USH2A: variants seen among roughly 807,000 people sequenced by gnomAD.
USH2A encodes Usher syndrome 2A (autosomal recessive, mild).
In USH2A, 443 loss-of-function variants were observed where a neutral mutation model predicts 538.9. The ratio of observed to expected loss-of-function variants is 0.82; its 90% confidence interval spans 0.76 to 0.89. The LOEUF (loss-of-function observed/expected upper bound fraction) is 0.89. Ranked by LOEUF, USH2A falls within the 40% of genes least tolerant of loss-of-function variation. The pLI is 0.00. For synonymous variants in USH2A, 2,413 were observed against 2,273.5 expected, an observed-to-expected ratio of 1.06 and a Z score of -1.75; for missense variants, 6,633 against 6,324.8, an observed-to-expected ratio of 1.05 and a Z score of -1.65.
At chr1:216,296,991 A>C (rs1456804223) in intron 9 of USH2A, among the ~76,000 whole-genome samples, 3 of 151,858 alleles carry the variant, frequency 2.0e-5, no homozygotes, top group Non-Finnish European at 4.4e-5. Context: ...TCATTTGATG[A>C]GTATACTCTC....
At chr1:215,853,928 G>C (rs905360390) in intron 44 of USH2A, among the ~76,000 whole-genome samples, 2 of 152,142 alleles carry the variant, frequency 1.3e-5, no homozygotes, top group African/African-American at 4.8e-5. Context: ...ACATTTTCCT[G>C]TCTTCTTCTG....
chr1:215,994,181 C>A (rs1432278087), intron 34 of USH2A, among the ~76,000 whole-genome samples: 1 of 151,988 alleles, frequency 6.6e-6, no homozygotes, highest in Non-Finnish European at 1.5e-5. Context: ...GAAAATAAAG[C>A]AAAATCATAA....
At chr1:215,911,303 T>A (rs536581389) in intron 38 of USH2A, among the ~76,000 whole-genome samples, 35 of 152,022 alleles carry the variant, frequency 2.3e-4, no homozygotes, top group Non-Finnish European at 4.7e-4. Flanking sequence ...GTCTTATGCA[T>A]TCATTCTATT....
At chr1:216,108,117 G>T (rs2032782310) in intron 21 of USH2A, among the ~76,000 whole-genome samples, 1 of 151,096 alleles carries the variant, frequency 6.6e-6, no homozygotes, top group Non-Finnish European at 1.5e-5. Context: ...AGTTATTATT[G>T]GTATTTTTAG....
At position 216,025,021 on chromosome 1, in the gene USH2A, G is replaced by T. The variant is rs528847335; in HGVS notation, c.6325+21410C>A. Reference sequence around the variant, plus strand: ...AGAACTAATTTAGGTAAATACTAAAGTTTCACTGATTAGTAACAAATTTCA... The same window carrying T: ...AGAACTAATTTAGGTAAATACTAAATTTTCACTGATTAGTAACAAATTTCA... On this transcript the variant is annotated intron_variant, in intron 32 of 71. Transcript: ENST00000307340. Among the ~76,000 whole-genome samples, 36 of 151,992 alleles carry T rather than the reference G, an allele frequency of 2.4e-4. 1 individual carries two copies. In the South Asian group the frequency reaches 7.5e-3, roughly 32 times the overall value.
intron 11 of USH2A, among the ~76,000 whole-genome samples, chr1:216,259,416 TAGA>T (rs2036322844): frequency 6.6e-6 from 1 of 152,104 alleles, no homozygotes; most frequent in African/African-American, 2.4e-5. Flanking sequence ...AGGTTACCAC[TAGA>T]AGATGTTGCT....
intron 14 of USH2A, among the ~76,000 whole-genome samples, chr1:216,226,533 C>A (rs1004386336): frequency 3.9e-5 from 6 of 152,126 alleles, no homozygotes; most frequent in Non-Finnish European, 8.8e-5. Context: ...CTAGAACCAC[C>A]CAAAGCAGTC....
intron 11 of USH2A, among the ~76,000 whole-genome samples, chr1:216,255,865 T>G (rs569393529): frequency 5.9e-4 from 90 of 152,186 alleles, no homozygotes; most frequent in Admixed American, 9.8e-4. Flanking sequence ...ACTTTCTCCT[T>G]CAGTTACGTT....
intron 1 of USH2A, among the ~76,000 whole-genome samples, chr1:216,422,749 C>G (rs990567779): frequency 6.6e-6 from 1 of 151,866 alleles, no homozygotes; most frequent in Non-Finnish European, 1.5e-5. Context: ...TATAAGTCCA[C>G]AGGACAACCA....
chr1:216,355,375 G>GAAAGAA (rs748251919), intron 4 of USH2A, among the ~76,000 whole-genome samples: 2 of 133,850 alleles, frequency 1.5e-5, no homozygotes, highest in African/African-American at 2.7e-5. Context: ...AAGAAAGAAA[G>GAAAGAA]AAGGAAAGAA....
At chr1:215,798,519 T>C (rs1242842422) in intron 50 of USH2A, among the ~76,000 whole-genome samples, 1 of 152,170 alleles carries the variant, frequency 6.6e-6, no homozygotes, top group African/African-American at 2.4e-5. Flanking sequence ...ATGATACTTA[T>C]TGTTATTTAT....
chr1:215,900,717 T>G (rs1214482751), intron 39 of USH2A, 38 bp downstream of exon 39: 3 of 1,613,070 alleles, frequency 1.9e-6, no homozygotes, highest in Non-Finnish European at 2.5e-6. Flanking sequence ...CTATATTGTA[T>G]AACCCAGCTG....
Position 216,097,089 on chromosome 1 carries a change from A to T in USH2A, c.4752T>A (p.Asp1584Glu), listed in dbSNP as rs1411201130. Residue 1584 changes from aspartate to glutamate, a missense_variant, in exon 22 of 72, where the codon GAT (aspartate) becomes GAA (glutamate). Transcript: ENST00000307340. ...TTTATGATTTCTCATTTACCTGAGGATCAAAAAGAAAATAAAGACGTCCCT... is the reference window on the plus strand; with the variant it reads ...TTTATGATTTCTCATTTACCTGAGGTTCAAAAAGAAAATAAAGACGTCCCT... ...LKKGRLYFLF[D>E]PQGSPVEVTT... is the part of the protein sequence containing the mutation. 3 of 1,613,812 alleles carry T rather than the reference A, an allele frequency of 1.9e-6. No homozygotes were observed. The highest frequency in any genetic ancestry group is 1.7e-5 in the Admixed American group (1 of 59,962).
chr1:216,051,785 A>G (rs1278729699), intron 30 of USH2A, among the ~76,000 whole-genome samples: 1 of 152,230 alleles, frequency 6.6e-6, no homozygotes, highest in Non-Finnish European at 1.5e-5. Context: ...GATGTGTTGT[A>G]CATTCAGGAA....
chr1:216,135,473 A>T (rs2102605990), intron 21 of USH2A, among the ~76,000 whole-genome samples: 1 of 152,266 alleles, frequency 6.6e-6, no homozygotes, highest in East Asian at 1.9e-4. Flanking sequence ...TCACTCTTAT[A>T]GTGATTTCCA....
intron 61 of USH2A, among the ~76,000 whole-genome samples, chr1:215,702,148 C>T (rs190330586): frequency 6.6e-6 from 1 of 152,258 alleles, no homozygotes; most frequent in African/African-American, 2.4e-5. Flanking sequence ...ATATTGGCCC[C>T]CACTCTCTTC....
Position 216,246,587 on chromosome 1 carries a change from G to A in USH2A, c.2807C>T (p.Pro936Leu). 1 of 1,613,996 alleles carries A rather than the reference G, an allele frequency of 6.2e-7. No homozygotes were observed. The highest frequency in any genetic ancestry group is 8.5e-7 in the Non-Finnish European group (1 of 1,179,900). The change falls in exon 13 of 72, where the codon CCA (proline) becomes CTA (leucine). Residue 936 changes from proline to leucine, a missense_variant and splice_region_variant. Physicochemically the swap from Pro to Leu is moderately conservative, Grantham distance 98. Transcript: ENST00000307340. ...AATGTAATACATTTCTTTCTTACCT[G>A]GTTGACACTGATTACACCTTCTTCC... ...RQGRRCNQCQ[P>L]GFYISPGNAT...
In USH2A at chr1:215,624,234, T is replaced by C. The variant is rs986194844; in HGVS notation, c.*1547A>G. 23 of 152,184 alleles carry C rather than the reference T, an allele frequency of 1.5e-4. No homozygotes were observed. The highest frequency in any genetic ancestry group is 5.3e-4 in the African/African-American group (22 of 41,460). The allele number at this position is 152,184 out of a possible 1,614,324, so 9.4% of individuals were successfully genotyped here. ...AGAACTTCTGCTTAATACTGGCCTG[T>C]GCTTTTGACACTTATGGTTGGCAAA... On this transcript the variant is annotated 3_prime_UTR_variant, in exon 72 of 72. Coordinates refer to ENST00000307340, the MANE Select transcript of USH2A (RefSeq NM_206933.4).
chr1:216,218,781 C>G (rs2035394410), intron 14 of USH2A, among the ~76,000 whole-genome samples: 1 of 151,996 alleles, frequency 6.6e-6, no homozygotes, highest in Non-Finnish European at 1.5e-5. Context: ...CACATTACAT[C>G]AGAATTCCAT....
Sources: allele counts gnomAD v4.1 joint callset (sites outside exome capture counted in the v4.1 genomes callset), GRCh38; gene constraint gnomAD v4.1.1; transcripts MANE v1.5; gene names NCBI Gene and HGNC (gene_info 2026-07-23, HGNC 2026-07-21).